NDE1: variants seen among roughly 807,000 people sequenced by gnomAD.
NDE1 encodes nudE neurodevelopment protein 1.
NDE1 carries 28 observed loss-of-function variants against 43.4 expected under a neutral mutation model. The ratio of observed to expected loss-of-function variants is 0.65; its 90% CI spans 0.48 to 0.89. The LOEUF (loss-of-function observed/expected upper bound fraction) is 0.89, where lower values mean the gene tolerates loss of function less well. NDE1 is among the 40% of genes least tolerant of loss of function. The pLI is 0.00. For synonymous variants in NDE1, 184 were observed against 172.0 expected, an observed-to-expected ratio of 1.07 and a Z score of -0.55; for missense variants, 441 against 434.1, an observed-to-expected ratio of 1.02 and a Z score of -0.14.
Position 15,696,697 on chromosome 16 carries a change from A to C in NDE1, c.796-12A>C. The C allele has an allele frequency of 6.2e-7, 1 of 1,614,194 alleles. No homozygotes were observed. ...CCTATAACTTGAGAGATAAAAGTGT[A>C]TTTCTGTCCAGGCACTGGAGTCCAA... On this transcript the variant is annotated splice_polypyrimidine_tract_variant and intron_variant, in intron 7 of 8. Transcript: ENST00000396354.
chr16:15,667,532 G>T, intron 3 of NDE1, 93 bp downstream of exon 3: 1 of 1,467,290 alleles, frequency 6.8e-7, no homozygotes, highest in Non-Finnish European at 9.4e-7. Flanking sequence ...TGCAATGAGG[G>T]ACTCCAGACC....
chr16:15,716,586 A>G (rs893400604), intron 8 of NDE1, among the ~76,000 whole-genome samples: 4 of 152,102 alleles, frequency 2.6e-5, no homozygotes, highest in East Asian at 1.9e-4. Context: ...CAGTGGCACA[A>G]TCTCGGCTCA....
intron 8 of NDE1, chr16:15,718,263 G>C: frequency 6.2e-7 from 1 of 1,604,020 alleles, no homozygotes; most frequent in East Asian, 2.2e-5. Flanking sequence ...GCAGGATCCT[G>C]CTGCAGGAGA....
At position 15,658,065 on chromosome 16, in the gene NDE1, T is replaced by C. The variant is rs1270403558; in HGVS notation, c.-43-6671T>C. Among the ~76,000 whole-genome samples the C allele has an allele frequency of 2.0e-5, 3 of 152,182 alleles. No individual in the cohort carries two copies. The South Asian group carries it at 6.2e-4, about 31-fold the overall frequency. ...TGGCTGCATCTAGGTGTTCAAATGA[T>C]ATTGTCAGGACCCAGGCTCTCCATC... On this transcript the variant is annotated intron_variant, in intron 1 of 8. Coordinates refer to ENST00000396354, the MANE Select transcript of NDE1 (RefSeq NM_017668.3).
intron 3 of NDE1, among the ~76,000 whole-genome samples, chr16:15,672,192 T>C (rs2037631176): frequency 6.6e-6 from 1 of 152,064 alleles, no homozygotes; most frequent in Non-Finnish European, 1.5e-5. Flanking sequence ...GCCAGCACTT[T>C]GGGAGACCGA....
intron 8 of NDE1, among the ~76,000 whole-genome samples, chr16:15,715,829 A>G (rs1351591763): frequency 6.6e-6 from 1 of 152,062 alleles, no homozygotes; most frequent in Non-Finnish European, 1.5e-5. Context: ...AGTTTTTCAT[A>G]GAAACGGAGT....
At chr16:15,646,680 G>A (rs899290100), upstream of NDE1, among the ~76,000 whole-genome samples, 26 of 152,002 alleles carry the variant, frequency 1.7e-4, no homozygotes, top group African/African-American at 4.8e-4. Flanking sequence ...ACAATGAGCC[G>A]AGATCGCACC....
intron 8 of NDE1, chr16:15,720,789 T>A: frequency 6.3e-7 from 1 of 1,585,026 alleles, no homozygotes; most frequent in East Asian, 2.2e-5. Context: ...GTGATAGGAA[T>A]GAAAAAGGCC....
intron 8 of NDE1, among the ~76,000 whole-genome samples, chr16:15,699,113 G>A (rs1462233417): frequency 6.6e-6 from 1 of 151,914 alleles, no homozygotes; most frequent in Non-Finnish European, 1.5e-5. Flanking sequence ...CAAACCTCCT[G>A]GCTTTGAGTT....
intron 4 of NDE1, among the ~76,000 whole-genome samples, chr16:15,683,900 G>C (rs78790324): frequency 2.3e-3 from 348 of 152,208 alleles, no homozygotes; most frequent in Admixed American, 7.4e-3. Flanking sequence ...GGTAGCTTGT[G>C]CCTGTGGTCA....
At chr16:15,698,931 C>A (rs2039126409) in intron 8 of NDE1, among the ~76,000 whole-genome samples, 1 of 152,084 alleles carries the variant, frequency 6.6e-6, no homozygotes, top group Admixed American at 6.6e-5. Context: ...GTCACCCAGG[C>A]TGGAGTGCAG....
intron 3 of NDE1, among the ~76,000 whole-genome samples, chr16:15,668,478 T>A (rs769114308): frequency 5.1e-4 from 77 of 152,204 alleles, no homozygotes; most frequent in Non-Finnish European, 1.6e-4. Context: ...TTGCCCAGGC[T>A]GGTCTTGAAC....
intron 3 of NDE1, among the ~76,000 whole-genome samples, chr16:15,671,931 G>A (rs969318710): frequency 2.6e-5 from 4 of 151,906 alleles, no homozygotes; most frequent in Admixed American, 6.6e-5. Context: ...CAAGTGATCC[G>A]CCTGCCTCGG....
At chr16:15,705,133 T>C (rs2039378341) in intron 8 of NDE1, among the ~76,000 whole-genome samples, 1 of 152,170 alleles carries the variant, frequency 6.6e-6, no homozygotes, top group African/African-American at 2.4e-5. Context: ...ACGTGCACAC[T>C]GCCACGCCTG....
intron 8 of NDE1, chr16:15,717,505 T>C: frequency 1.4e-6 from 1 of 735,500 alleles, no homozygotes; most frequent in Non-Finnish European, 2.2e-6. Context: ...ACTCAAGAGC[T>C]TCTTCCAGGC....
intron 8 of NDE1, chr16:15,719,856 T>A: frequency 7.8e-7 from 1 of 1,276,084 alleles, no homozygotes; most frequent in Non-Finnish European, 1.1e-6. Context: ...TGGCTCTCAG[T>A]TCCAGGTGGC....
intron 1 of NDE1, among the ~76,000 whole-genome samples, chr16:15,656,132 TAATAAAG>T (rs1330851832): frequency 6.6e-6 from 1 of 151,824 alleles, no homozygotes; most frequent in Non-Finnish European, 1.5e-5. Flanking sequence ...AGTATAATAA[TAATAAAG>T]AAAAAGAAAA....
chr16:15,694,588 T>G (rs1046030491), intron 7 of NDE1: 1 of 969,792 alleles, frequency 1.0e-6, no homozygotes, highest in African/African-American at 1.8e-5. Flanking sequence ...CCTCAAGTGA[T>G]CCTCCCAGGT....
chr16:15,714,314 G>A lies in NDE1; in HGVS notation c.948-9877G>A, dbSNP rs570340243. The A allele has an allele frequency of 4.0e-4, 64 of 159,390 alleles. 1 individual carries two copies. The South Asian group carries it at 8.5e-3, about 21-fold the overall frequency. The allele number at this position is 159,390 out of a possible 1,614,324, so 9.9% of individuals were successfully genotyped here. Reference sequence around the variant, plus strand: ...CAGTCGTACCCTCCCATCTCTAGAGGACTTCTGGCAACATCTAGAGACATT... The same window carrying A: ...CAGTCGTACCCTCCCATCTCTAGAGAACTTCTGGCAACATCTAGAGACATT... On this transcript the variant is annotated intron_variant, in intron 8 of 8. Transcript: ENST00000396354.
Sources: gnomAD v4.1 joint callset for allele counts (sites outside exome capture counted in the v4.1 genomes callset) on GRCh38, gnomAD v4.1.1 for gene constraint, MANE v1.5 for transcripts, NCBI Gene and HGNC (gene_info 2026-07-23, HGNC 2026-07-21) for gene names.